The following ATP8A1 variants were observed in gnomAD, a reference collection of about 807,000 sequenced individuals.
The protein encoded by ATP8A1 is phospholipid-transporting ATPase IA.
ATP8A1 carries 90 observed loss-of-function variants against 177.7 expected under a neutral mutation model. The ratio of observed to expected loss-of-function variants is 0.51; its 90% CI spans 0.43 to 0.60. ATP8A1 has a LOEUF of 0.60. Among genes scored for constraint, ATP8A1 ranks in the 20% least tolerant of loss-of-function variants. The pLI is 0.00. For missense variants in ATP8A1, 1,072 were observed against 1,392.8 expected (o/e 0.77, Z 3.67); for synonymous variants, 493 against 485.9 (o/e 1.01, Z -0.19).
chr4:42,430,076 T>C (rs1715098339), intron 33 of ATP8A1, among the ~76,000 whole-genome samples: 1 of 152,172 alleles, frequency 6.6e-6, no homozygotes, highest in South Asian at 2.1e-4. Context: ...TGAATACGCT[T>C]AATGCCATTG....
chr4:42,649,753 A>C (rs1740901041), intron 1 of ATP8A1, among the ~76,000 whole-genome samples: 1 of 152,206 alleles, frequency 6.6e-6, no homozygotes, highest in Non-Finnish European at 1.5e-5. Context: ...AGGTTTCAGT[A>C]GGAGGGTACT....
chr4:42,556,352 A>G (rs989757336), intron 15 of ATP8A1: 1 of 191,098 alleles, frequency 5.2e-6, no homozygotes, highest in African/African-American at 2.3e-5. Flanking sequence ...CTATTAAAAC[A>G]CCTGGAATTG....
intron 17 of ATP8A1, 47 bp from the exon 18 acceptor site, chr4:42,551,327 AT>A: frequency 1.5e-6 from 2 of 1,356,440 alleles, no homozygotes; most frequent in Non-Finnish European, 2.1e-6. Context: ...TGAAAAAAAA[AT>A]ATTCTCAGCA....
At chr4:42,537,073 G>T (rs1425331295) in intron 20 of ATP8A1, among the ~76,000 whole-genome samples, 8 of 151,278 alleles carry the variant, frequency 5.3e-5, no homozygotes, top group African/African-American at 1.7e-4. Context: ...TGGAGGTTGC[G>T]GTGAGCCGAG....
intron 1 of ATP8A1, among the ~76,000 whole-genome samples, chr4:42,645,571 C>T (rs973076967): frequency 2.6e-5 from 4 of 152,194 alleles, no homozygotes; most frequent in African/African-American, 9.6e-5. Context: ...GTCTGGGAAT[C>T]TGTATTGTTT....
intron 20 of ATP8A1, among the ~76,000 whole-genome samples, chr4:42,543,450 C>T (rs1728604824): frequency 6.6e-6 from 1 of 151,964 alleles, no homozygotes; most frequent in Non-Finnish European, 1.5e-5. Flanking sequence ...ATATAAGCTG[C>T]CAATATACCA....
At position 42,471,437 on chromosome 4, in the gene ATP8A1, TA is replaced by T. The variant is rs544567804; in HGVS notation, c.2325-6362del. Among the ~76,000 whole-genome samples, 453 of 152,370 alleles carry T rather than the reference TA, an allele frequency of 3.0e-3. 3 individuals are homozygous for T. Among genetic ancestry groups the T allele is most frequent in the African/African-American group, 0.01 (432 of 41,590 alleles). ...TTTCCTTTCTGCAATGCATTTTAGATATAAAACCTCTCTTTTGTAGAATTTA... is the reference window on the plus strand; with the variant it reads ...TTTCCTTTCTGCAATGCATTTTAGATTAAAACCTCTCTTTTGTAGAATTTA... On this transcript the variant is annotated intron_variant, in intron 25 of 36. Coordinates refer to ENST00000381668, the MANE Select transcript of ATP8A1 (RefSeq NM_006095.2).
At chr4:42,570,842 G>A (rs1193337178) in intron 14 of ATP8A1, among the ~76,000 whole-genome samples, 1 of 152,070 alleles carries the variant, frequency 6.6e-6, no homozygotes, top group African/African-American at 2.4e-5. Flanking sequence ...CTTTCTTAGG[G>A]CATATTTCCT....
intron 24 of ATP8A1, among the ~76,000 whole-genome samples, chr4:42,498,882 G>T (rs1723543190): frequency 6.6e-6 from 1 of 152,136 alleles, no homozygotes; most frequent in Non-Finnish European, 1.5e-5. Context: ...TTCCTTAGAT[G>T]TATCCCCCAG....
chr4:42,620,476 T>A (rs940965486), intron 4 of ATP8A1, among the ~76,000 whole-genome samples: 5 of 152,230 alleles, frequency 3.3e-5, no homozygotes, highest in African/African-American at 4.8e-5. Context: ...TACAATTTTA[T>A]TTGCCACGTA....
chr4:42,555,139 A>AATCTATCTATCTATCTATCT (rs1553903247), intron 16 of ATP8A1, among the ~76,000 whole-genome samples: 2 of 59,528 alleles, frequency 3.4e-5, no homozygotes, highest in African/African-American at 7.0e-5. Context: ...CTATCTATCT[A>AATCTATCTATCTATCTATCT]ATCTATCTAT....
chr4:42,531,535 G>A (rs775047475), intron 20 of ATP8A1, among the ~76,000 whole-genome samples: 18 of 152,144 alleles, frequency 1.2e-4, no homozygotes, highest in Non-Finnish European at 2.5e-4. Context: ...TTTCTTCACA[G>A]CTATTCAAAA....
chr4:42,629,565 T>C (rs947603850), intron 1 of ATP8A1, among the ~76,000 whole-genome samples: 3 of 152,184 alleles, frequency 2.0e-5, no homozygotes, highest in Admixed American at 6.5e-5. Flanking sequence ...TGGAGAGCCA[T>C]CAGGCACCTG....
chr4:42,524,378 AGTTTAG>A (rs984110482), intron 21 of ATP8A1, among the ~76,000 whole-genome samples: 8 of 151,758 alleles, frequency 5.3e-5, no homozygotes, highest in African/African-American at 1.9e-4. Context: ...CTATTTTAAC[AGTTTAG>A]GTTTATTTCT....
intron 17 of ATP8A1, among the ~76,000 whole-genome samples, chr4:42,551,941 C>T (rs2153211163): frequency 6.6e-6 from 1 of 152,184 alleles, no homozygotes; most frequent in East Asian, 1.9e-4. Context: ...ACTATCTGCC[C>T]AACTTTACAT....
At chr4:42,628,134 A>G (rs1287788294) in intron 1 of ATP8A1, among the ~76,000 whole-genome samples, 1 of 152,112 alleles carries the variant, frequency 6.6e-6, no homozygotes, top group Non-Finnish European at 1.5e-5. Context: ...CAGGTACCCA[A>G]TGTTTGCCGA....
rs55946444 is a variant in ATP8A1, at chr4:42,448,828, G to GTTTTTTTTTTTTTTT, written c.2897-2199_2897-2185dup. 2.4e-5 allele frequency among the ~76,000 whole-genome samples: 2 copies of GTTTTTTTTTTTTTTT among 84,206 alleles called. 1 individual carries two copies. Among genetic ancestry groups the GTTTTTTTTTTTTTTT allele is most frequent in the Non-Finnish European group, 4.4e-5 (2 of 45,208 alleles). The allele number at this position is 84,206 out of a possible 152,430, so 55.2% of individuals were successfully genotyped here. A position where few individuals can be genotyped will look rare whatever the true frequency, so the allele number is the denominator to read the frequency against. ...TCCATCAGTCTACTTTGTACTTTGC[G>GTTTTTTTTTTTTTTT]TTTTTTTTTTTTTTTTTTTTTTTTT... On this transcript the variant is annotated intron_variant, in intron 30 of 36. Transcript: ENST00000381668.
intron 5 of ATP8A1, among the ~76,000 whole-genome samples, chr4:42,604,067 T>C (rs1253268763): frequency 6.6e-6 from 1 of 152,202 alleles, no homozygotes; most frequent in African/African-American, 2.4e-5. Flanking sequence ...CCCTCTGTAG[T>C]GAGCGCACCA....
chr4:42,470,735 C>T lies in ATP8A1; in HGVS notation c.2325-5659G>A, dbSNP rs565192453. 5.9e-5 allele frequency among the ~76,000 whole-genome samples: 9 copies of T among 152,180 alleles called. No homozygotes were observed. In the South Asian group the frequency reaches 1.0e-3, roughly 18 times the overall value. Reference sequence around the variant, plus strand: ...AAGGAACATAGTATTTTCTAGTTCTCCTGAAGTGTTTTATATAGTGACCAA... The same window carrying T: ...AAGGAACATAGTATTTTCTAGTTCTTCTGAAGTGTTTTATATAGTGACCAA... On this transcript the variant is annotated intron_variant, in intron 25 of 36. Coordinates refer to ENST00000381668, the MANE Select transcript of ATP8A1 (RefSeq NM_006095.2).
Sources: gnomAD v4.1 joint callset for allele counts (sites outside exome capture counted in the v4.1 genomes callset) on GRCh38, gnomAD v4.1.1 for gene constraint, MANE v1.5 for transcripts, NCBI Gene and HGNC (gene_info 2026-07-23, HGNC 2026-07-21) for gene names.